ANK3: variants seen among roughly 807,000 people sequenced by gnomAD.
ANK3 encodes ankyrin 3, also known as ankyrin-3.
Under a neutral mutation model 370.9 loss-of-function variants are expected in ANK3, and 57 were observed. That is an observed-to-expected ratio of 0.15 (90% CI 0.12 to 0.19). The LOEUF is 0.19. ANK3 is among the 10% of genes least tolerant of loss of function. The probability of loss-of-function intolerance (pLI) is 1.00; values close to 1 mark genes in which losing one functional copy is unlikely to be tolerated. For missense variants in ANK3, 4,439 were observed against 5,302.1 expected (o/e 0.84, Z 5.06); for synonymous variants, 1,929 against 1,946.3 (o/e 0.99, Z 0.23).
intron 1 of ANK3, among the ~76,000 whole-genome samples, chr10:60,339,410 A>G (rs1298337239): frequency 6.6e-6 from 1 of 152,180 alleles, no homozygotes; most frequent in Non-Finnish European, 1.5e-5. Flanking sequence ...TGTCCCATGC[A>G]CATACCTATT....
chr10:60,145,862 C>T, intron 23 of ANK3: 1 of 668,606 alleles, frequency 1.5e-6, no homozygotes, highest in Non-Finnish European at 2.7e-6. Context: ...CAGAACAGAA[C>T]CTGGCACATA....
At chr10:60,708,181 T>A (rs113599860) in intron 1 of ANK3, among the ~76,000 whole-genome samples, 3 of 152,288 alleles carry the variant, frequency 2.0e-5, no homozygotes, top group African/African-American at 7.2e-5. Context: ...CTTAGTCAAG[T>A]CCAGAATTCC....
intron 1 of ANK3, among the ~76,000 whole-genome samples, chr10:60,665,635 T>C (rs946423041): frequency 2.0e-5 from 3 of 152,226 alleles, no homozygotes; most frequent in Admixed American, 1.3e-4. Context: ...CAGGAATTTA[T>C]GAAAAATAAA....
intron 23 of ANK3, 36 bp downstream of exon 23, chr10:60,166,555 T>C (rs966269583): frequency 1.7e-5 from 26 of 1,487,588 alleles, no homozygotes; most frequent in African/African-American, 6.9e-5. Flanking sequence ...AAGTTGGTAG[T>C]AGTTAAGTTT....
chr10:60,059,293 T>C (rs1564677773), intron 41 of ANK3, 47 bp downstream of exon 41: 1 of 1,499,804 alleles, frequency 6.7e-7, no homozygotes, highest in East Asian at 2.3e-5. Context: ...AGATAAACTA[T>C]TAACAAGTAA....
chr10:60,588,894 A>G (rs1267686885), intron 2 of ANK3, among the ~76,000 whole-genome samples: 1 of 152,180 alleles, frequency 6.6e-6, no homozygotes, highest in Non-Finnish European at 1.5e-5. Flanking sequence ...TGGAAGGCAG[A>G]GTGAGACCCT....
Position 60,082,682 on chromosome 10 carries a change from T to A in ANK3, c.4256A>T (p.Lys1419Met). The A allele has an allele frequency of 6.2e-7, 1 of 1,614,128 alleles. No individual in the cohort carries two copies. The highest frequency in any genetic ancestry group is 8.5e-7 in the Non-Finnish European group (1 of 1,179,964). ...CGRLSFLKEP[K>M]TTKGLPQTAV... Reference sequence around the variant, plus strand: ...TGTTTGAGGCAGTCCTTTTGTTGTCTTTGGTTCTTTCAGAAAAGACAGACG... The same window carrying A: ...TGTTTGAGGCAGTCCTTTTGTTGTCATTGGTTCTTTCAGAAAAGACAGACG... The change falls in exon 34 of 44, where the codon AAG becomes ATG. Residue 1419 changes from lysine to methionine, a missense_variant. Lys to Met is a moderately conservative substitution (Grantham distance 95). Transcript: ENST00000280772.
chr10:60,083,883 G>A (rs2085944447), intron 32 of ANK3: 2 of 262,294 alleles, frequency 7.6e-6, no homozygotes, highest in Non-Finnish European at 1.4e-5. Context: ...ATTTAAGAAT[G>A]TGCCTGACAT....
intron 2 of ANK3, among the ~76,000 whole-genome samples, chr10:60,567,315 T>C (rs1168448367): frequency 6.6e-6 from 1 of 152,154 alleles, no homozygotes; most frequent in African/African-American, 2.4e-5. Context: ...CTTACCACTC[T>C]AAAAATCCTA....
intron 2 of ANK3, among the ~76,000 whole-genome samples, chr10:60,582,763 G>T (rs965371332): frequency 6.6e-6 from 1 of 151,914 alleles, no homozygotes; most frequent in Non-Finnish European, 1.5e-5. Flanking sequence ...CATTCCGTAG[G>T]TTGTCTTTTT....
chr10:60,044,277 G>C lies in ANK3; in HGVS notation c.13066-1518C>G, dbSNP rs939948964. On this transcript the variant is annotated intron_variant, in intron 42 of 43. Coordinates refer to ENST00000280772, the MANE Select transcript of ANK3 (RefSeq NM_020987.5). ...GAATGATGATTACTTTTCTGGTGAT[G>C]AGGTTGCCTTCTTCATCAGTAAATT... 6 of 984,806 alleles carry C rather than the reference G, an allele frequency of 6.1e-6. No individual in the cohort carries two copies. In the South Asian group the frequency reaches 1.4e-4, roughly 23 times the overall value. The allele number at this position is 984,806 out of a possible 1,614,324, so 61.0% of individuals were successfully genotyped here. A position where few individuals can be genotyped will look rare whatever the true frequency, so the allele number is the denominator to read the frequency against.
rs78503135 is a variant in ANK3 at position 60,438,549 on chromosome 10, C to T, written c.97-158910G>A. 4.2e-3 allele frequency among the ~76,000 whole-genome samples: 639 copies of T among 152,220 alleles called. 8 individuals carry two copies. Among genetic ancestry groups the T allele is most frequent in the Non-Finnish European group, 6.8e-3 (461 of 68,020 alleles). ...ATGCCAAGTGTGGGGAAGAGTAAGG[C>T]AAATGTGAATGCCTAAGCCATTTCC... On this transcript the variant is annotated intron_variant, in intron 2 of 43. Coordinates refer to the ANK3 transcript ENST00000373827.
chr10:60,546,090 C>T (rs940818190), intron 2 of ANK3, among the ~76,000 whole-genome samples: 4 of 152,142 alleles, frequency 2.6e-5, no homozygotes, highest in African/African-American at 9.7e-5. Flanking sequence ...GGCTGGAGGG[C>T]AGTGGCACAA....
chr10:60,480,976 G>C (rs918160949), intron 2 of ANK3, among the ~76,000 whole-genome samples: 12 of 152,118 alleles, frequency 7.9e-5, no homozygotes, highest in African/African-American at 2.9e-4. Context: ...GAACTAGACT[G>C]CCAGTGCACA....
At chr10:60,482,474 T>C (rs900838327) in intron 2 of ANK3, among the ~76,000 whole-genome samples, 1 of 149,760 alleles carries the variant, frequency 6.7e-6, no homozygotes, top group Non-Finnish European at 1.5e-5. Context: ...CCCAAAATAA[T>C]CAAAACTACT....
At chr10:60,218,757 G>A (rs1241554926) in intron 8 of ANK3, among the ~76,000 whole-genome samples, 1 of 151,894 alleles carries the variant, frequency 6.6e-6, no homozygotes, top group Non-Finnish European at 1.5e-5. Context: ...ATTATTATGT[G>A]TCTCGGGGTT....
In ANK3 at chr10:60,138,699, T is replaced by C. The variant is rs190880343; in HGVS notation, c.2738+265A>G. 84 of 502,198 alleles carry C rather than the reference T, an allele frequency of 1.7e-4. 1 individual carries two copies. Among genetic ancestry groups the C allele is most frequent in the African/African-American group, 1.5e-3 (77 of 50,006 alleles). 31.1% of individuals were successfully genotyped at this position (502,198 alleles called of 1,614,324 possible). ...CTCCCAGTTTTGTCAGTGAGCTCTT[T>C]TGCTACTGTGCTGGCAGCATGACTG... On this transcript the variant is annotated intron_variant, in intron 24 of 43. Coordinates refer to ENST00000280772, the MANE Select transcript of ANK3 (RefSeq NM_020987.5).
At chr10:60,671,596 T>A (rs974834699) in intron 1 of ANK3, among the ~76,000 whole-genome samples, 1 of 152,236 alleles carries the variant, frequency 6.6e-6, no homozygotes, top group Non-Finnish European at 1.5e-5. Flanking sequence ...AGCTGCAAGG[T>A]AGGTCAGGAA....
At chr10:60,595,579 G>A (rs1036600661) in intron 2 of ANK3, among the ~76,000 whole-genome samples, 1 of 152,144 alleles carries the variant, frequency 6.6e-6, no homozygotes, top group African/African-American at 2.4e-5. Context: ...AGCAACTGGA[G>A]TAGTTAGAAA....
Sources: gnomAD v4.1 joint callset for allele counts (sites outside exome capture counted in the v4.1 genomes callset) on GRCh38, gnomAD v4.1.1 for gene constraint, MANE v1.5 for transcripts, NCBI Gene and HGNC (gene_info 2026-07-23, HGNC 2026-07-21) for gene names.